Variants in MYCBP2 observed in about 807,000 individuals in gnomAD.
MYCBP2 encodes E3 ubiquitin-protein ligase MYCBP2.
A neutral mutation model predicts 525.3 loss-of-function variants in MYCBP2; 120 were observed. The ratio of observed to expected loss-of-function variants is 0.23; its 90% CI spans 0.20 to 0.27. MYCBP2 has a LOEUF of 0.27. Ranked by LOEUF, MYCBP2 falls within the 10% of genes least tolerant of loss-of-function variation. MYCBP2 has a pLI of 1.00. For missense variants in MYCBP2, 4,149 were observed against 5,657.1 expected (o/e 0.73, Z 8.55); for synonymous variants, 1,894 against 1,955.8 (o/e 0.97, Z 0.83).
At position 77,138,364 on chromosome 13, in the gene MYCBP2, A is replaced by G. The variant is rs558597327; in HGVS notation, c.7659+832T>C. Reference sequence around the variant, plus strand: ...GCTTTGGAGAACATTATTATGGACAATCAAGGAGAAAGTCAAATGGAATAT... The same window carrying G: ...GCTTTGGAGAACATTATTATGGACAGTCAAGGAGAAAGTCAAATGGAATAT... On this transcript the variant is annotated intron_variant, in intron 52 of 82. Coordinates refer to ENST00000544440, the MANE Select transcript of MYCBP2 (RefSeq NM_015057.5). 3.9e-5 allele frequency among the ~76,000 whole-genome samples: 6 copies of G among 152,302 alleles called. No individual in the cohort carries two copies. In the South Asian group the frequency reaches 1.0e-3, roughly 26 times the overall value.
At chr13:77,164,824 CAAG>C (rs1193590627) in intron 42 of MYCBP2, among the ~76,000 whole-genome samples, 1 of 152,226 alleles carries the variant, frequency 6.6e-6, no homozygotes, top group African/African-American at 2.4e-5. Context: ...AACATTTAGA[CAAG>C]ATGATAGCCC....
intron 8 of MYCBP2, among the ~76,000 whole-genome samples, chr13:77,266,468 G>A (rs1198140187): frequency 6.6e-6 from 1 of 151,988 alleles, no homozygotes; most frequent in Non-Finnish European, 1.5e-5. Context: ...TGTAGCATAT[G>A]ATCACACTTT....
chr13:77,320,293 C>T (rs541064068), intron 1 of MYCBP2, among the ~76,000 whole-genome samples: 3 of 152,176 alleles, frequency 2.0e-5, no homozygotes, highest in Admixed American at 1.3e-4. Flanking sequence ...TGCCTGAAAG[C>T]GGGATCTGAA....
intron 52 of MYCBP2, among the ~76,000 whole-genome samples, chr13:77,136,755 A>G (rs1446775756): frequency 6.6e-6 from 1 of 152,058 alleles, no homozygotes; most frequent in Admixed American, 6.5e-5. Context: ...ATTTTAAGGG[A>G]ACTTGTAGTC....
chr13:77,313,168 T>C (rs1248661858), intron 1 of MYCBP2, among the ~76,000 whole-genome samples: 1 of 152,058 alleles, frequency 6.6e-6, no homozygotes, highest in Non-Finnish European at 1.5e-5. Context: ...TTGAACTAAA[T>C]GACAAATATA....
chr13:77,198,104 GT>G (rs2061957967), intron 26 of MYCBP2, among the ~76,000 whole-genome samples: 1 of 152,154 alleles, frequency 6.6e-6, no homozygotes, highest in Non-Finnish European at 1.5e-5. Flanking sequence ...ACACATTGAG[GT>G]TGCTTCTCTA....
chr13:77,318,010 G>C (rs1380544284), intron 1 of MYCBP2, among the ~76,000 whole-genome samples: 1 of 141,484 alleles, frequency 7.1e-6, no homozygotes, highest in African/African-American at 2.6e-5. Context: ...ACATAACAGT[G>C]GGTCCCTTAT....
In MYCBP2 at chr13:77,233,060, A is replaced by G. The variant is rs564285455; in HGVS notation, c.2737+96T>C. 4 of 1,013,834 alleles carry G rather than the reference A, an allele frequency of 3.9e-6. No homozygotes were observed. In the East Asian group the frequency reaches 7.2e-5, roughly 18 times the overall value. The allele number at this position is 1,013,834 out of a possible 1,614,324, so 62.8% of individuals were successfully genotyped here. A position where few individuals can be genotyped will look rare whatever the true frequency, so the allele number is the denominator to read the frequency against. The stretch of plus-strand genomic sequence containing the variant: ...CTACATCATGATAGAAGCAAAGTAG[A>G]AGAATCAGGTTTGTGCATTTTCCCA... On this transcript the variant is annotated intron_variant, in intron 18 of 82. Coordinates refer to ENST00000544440, the MANE Select transcript of MYCBP2 (RefSeq NM_015057.5).
At chr13:77,275,832 A>G (rs1161233687) in intron 4 of MYCBP2, among the ~76,000 whole-genome samples, 2 of 152,146 alleles carry the variant, frequency 1.3e-5, no homozygotes, top group Non-Finnish European at 2.9e-5. Context: ...AAAAATACAA[A>G]AATTAGCCGG....
intron 62 of MYCBP2, among the ~76,000 whole-genome samples, chr13:77,084,143 A>T (rs975719496): frequency 6.6e-6 from 1 of 152,190 alleles, no homozygotes; most frequent in African/African-American, 2.4e-5. Context: ...CAATGAATCA[A>T]CTTGTATATC....
chr13:77,079,918 G>A (rs2043008410), intron 65 of MYCBP2, among the ~76,000 whole-genome samples: 1 of 152,168 alleles, frequency 6.6e-6, no homozygotes, highest in East Asian at 1.9e-4. Context: ...CTTACATGTT[G>A]GGAATTTTGA....
intron 55 of MYCBP2, chr13:77,099,239 A>C (rs530451820): frequency 1.7e-5 from 10 of 579,912 alleles, no homozygotes; most frequent in African/African-American, 1.7e-4. Flanking sequence ...TGGACGCAAA[A>C]CAACAGGTTG....
At chr13:77,231,070 G>T (rs1361871710) in intron 18 of MYCBP2, among the ~76,000 whole-genome samples, 1 of 152,116 alleles carries the variant, frequency 6.6e-6, no homozygotes, top group Non-Finnish European at 1.5e-5. Context: ...AAAAAAATAG[G>T]GTACCAATTG....
chr13:77,206,085 A>C (rs2063300981), intron 24 of MYCBP2, among the ~76,000 whole-genome samples: 1 of 152,124 alleles, frequency 6.6e-6, no homozygotes, highest in Non-Finnish European at 1.5e-5. Flanking sequence ...CTAGAGTCTG[A>C]AAATGAGTCT....
intron 68 of MYCBP2, 44 bp from the exon 69 acceptor site, chr13:77,070,755 T>C: frequency 7.8e-7 from 1 of 1,289,256 alleles, no homozygotes; most frequent in Non-Finnish European, 1.1e-6. Flanking sequence ...TGAAGTGGTC[T>C]CTTTAAATAA....
At position 77,095,544 on chromosome 13, in the gene MYCBP2, A is replaced by T; in HGVS notation, c.10013T>A (p.Met3338Lys). Residue 3338 changes from methionine (M) to lysine (K), a missense_variant, in exon 58 of 83, where the codon ATG (methionine) becomes AAG (lysine). Met to Lys is a moderately conservative substitution (Grantham distance 95, BLOSUM62 -1). Transcript: ENST00000544440. The stretch of plus-strand genomic sequence containing the variant: ...GGCTTTAATCACCTGGTGAGCTTCC[A>T]TGGTGGGCAAGGCACGAGGGGTCTT... ...QVKTPRALPT[M>K]EAHQVIKANA... The T allele has an allele frequency of 6.2e-7, 1 of 1,613,602 alleles. No individual in the cohort carries two copies. The highest frequency in any genetic ancestry group is 8.5e-7 in the Non-Finnish European group (1 of 1,179,696).
intron 5 of MYCBP2, among the ~76,000 whole-genome samples, chr13:77,272,557 C>T (rs938623520): frequency 6.6e-6 from 1 of 152,008 alleles, no homozygotes; most frequent in African/African-American, 2.4e-5. Flanking sequence ...TAAACATTTG[C>T]CAAACCCTGA....
chr13:77,277,731 C>G (rs2075778863), intron 4 of MYCBP2, among the ~76,000 whole-genome samples: 1 of 152,134 alleles, frequency 6.6e-6, no homozygotes, highest in South Asian at 2.1e-4. Flanking sequence ...ATCAGAAACA[C>G]CATAGGGAAG....
Position 77,081,686 on chromosome 13 carries a change from A to G in MYCBP2, c.11194-35T>C, listed in dbSNP as rs753038340. ...ACAAATATAAGTACTTATGATACTT[A>G]AAAGCAAATCTTTCGTGATGATAAA... On this transcript the variant is annotated intron_variant, in intron 64 of 82. Transcript: ENST00000544440. This position sits in a 1 kb window ranked among gnomAD's most constrained non-coding sequence, Gnocchi z 4.6. 6.4e-7 allele frequency: 1 copy of G among 1,560,942 alleles called. No homozygotes were observed. The highest frequency in any genetic ancestry group is 1.9e-5 in the Admixed American group (1 of 52,572).
Sources: gnomAD v4.1 joint callset for allele counts (sites outside exome capture counted in the v4.1 genomes callset) on GRCh38, gnomAD v4.1.1 for gene constraint, Gnocchi (gnomAD v3.1) non-coding constraint, MANE v1.5 for transcripts, NCBI Gene and HGNC (gene_info 2026-07-23, HGNC 2026-07-21) for gene names.